ZNF106: variants seen among roughly 807,000 people sequenced by gnomAD.
The protein encoded by ZNF106 is zinc finger protein 106, also known as SH3-domain binding protein 3.
In ZNF106, 67 loss-of-function variants were observed where a neutral mutation model predicts 195.1. That is an observed-to-expected ratio of 0.34 (90% confidence interval 0.28 to 0.42). The LOEUF is 0.42. ZNF106 is among the 10% of genes least tolerant of loss of function. The probability of loss-of-function intolerance (pLI) is 1.00; values close to 1 mark genes in which losing one functional copy is unlikely to be tolerated. For synonymous variants in ZNF106, 784 were observed against 818.6 expected (o/e 0.96, Z 0.72); for missense variants, 2,118 against 2,304.5 (o/e 0.92, Z 1.66).
chr15:42,487,431 T>C (rs1023618076), intron 1 of ZNF106, among the ~76,000 whole-genome samples: 3 of 137,414 alleles, frequency 2.2e-5, no homozygotes, highest in Non-Finnish European at 4.5e-5. Context: ...TTTGAGGGTG[T>C]AGTGAGCCAT....
At chr15:42,433,481 TTTTTC>T (rs1249232000) in intron 14 of ZNF106, among the ~76,000 whole-genome samples, 1 of 129,016 alleles carries the variant, frequency 7.8e-6, no homozygotes, top group Non-Finnish European at 1.6e-5. Context: ...TGTTCTTTTT[TTTTTC>T]TTTTCTTTTT....
intron 3 of ZNF106, among the ~76,000 whole-genome samples, chr15:42,464,522 CTTTTT>C (rs928173954): frequency 3.5e-5 from 4 of 113,470 alleles, no homozygotes; most frequent in South Asian, 2.9e-4. Flanking sequence ...ACACATGCTA[CTTTTT>C]TTTTTTTTTT....
chr15:42,417,989 G>A (rs771403469), intron 20 of ZNF106, 38 bp from the exon 21 acceptor site: 6 of 1,602,008 alleles, frequency 3.7e-6, no homozygotes, highest in Non-Finnish European at 5.1e-6. Flanking sequence ...GGTGAAAAAG[G>A]GTGCAGTGAA....
intron 1 of ZNF106, among the ~76,000 whole-genome samples, chr15:42,473,180 T>G (rs1010514762): frequency 6.6e-6 from 1 of 152,160 alleles, no homozygotes; most frequent in Non-Finnish European, 1.5e-5. Flanking sequence ...ATGTTCCGAT[T>G]TGGGATGTTC....
At chr15:42,468,910 G>A (rs557205294) in intron 2 of ZNF106, among the ~76,000 whole-genome samples, 2 of 152,064 alleles carry the variant, frequency 1.3e-5, no homozygotes, top group Admixed American at 1.3e-4. Context: ...TCTTCGGTGG[G>A]GCACGGTGGC....
At chr15:42,481,258 T>C (rs143913024) in intron 1 of ZNF106, among the ~76,000 whole-genome samples, 93 of 152,150 alleles carry the variant, frequency 6.1e-4, no homozygotes, top group African/African-American at 2.1e-3. Context: ...CCCTACAGCC[T>C]GAAGAACTTC....
chr15:42,433,656 T>A (rs1161779869), intron 14 of ZNF106, among the ~76,000 whole-genome samples: 3 of 151,688 alleles, frequency 2.0e-5, no homozygotes, highest in Non-Finnish European at 1.5e-5. Context: ...CTAATTTTCA[T>A]ATTTTTAGTA....
intron 8 of ZNF106, 127 bp from the exon 9 acceptor site, chr15:42,444,389 C>G: frequency 2.9e-6 from 2 of 678,266 alleles, no homozygotes; most frequent in East Asian, 5.7e-5. Flanking sequence ...CCCAGCCAGC[C>G]GCAGGTTTTC....
At chr15:42,428,432 TA>T (rs767788618) in intron 14 of ZNF106, among the ~76,000 whole-genome samples, 1 of 152,174 alleles carries the variant, frequency 6.6e-6, no homozygotes, top group Non-Finnish European at 1.5e-5. Flanking sequence ...CCTCTTAAAT[TA>T]AGAGGCCAAA....
Position 42,444,985 on chromosome 15 carries a change from C to A in ZNF106, c.3206-4G>T, listed in dbSNP as rs778975775. 1 of 1,613,868 alleles carries A rather than the reference C, an allele frequency of 6.2e-7. No individual in the cohort carries two copies. Among genetic ancestry groups the A allele is most frequent in the East Asian group, 2.2e-5 (1 of 44,876 alleles). On this transcript the variant is annotated splice_region_variant and splice_polypyrimidine_tract_variant and intron_variant, in intron 7 of 21. Transcript: ENST00000564754. Reference sequence around the variant, plus strand: ...AGCTGGTCAACCTGAGAACGTTCTGCCAAAAGAAATCATAAGGTTCAGGTT... The same window carrying A: ...AGCTGGTCAACCTGAGAACGTTCTGACAAAAGAAATCATAAGGTTCAGGTT...
At chr15:42,426,921 T>C (rs1408297703) in intron 15 of ZNF106, among the ~76,000 whole-genome samples, 1 of 152,226 alleles carries the variant, frequency 6.6e-6, no homozygotes. Flanking sequence ...CACTTGGCAC[T>C]TGATTATATA....
rs1462457006 is a variant in ZNF106, at chr15:42,413,438, T to C, written c.*3866A>G. 6.6e-6 allele frequency: 1 copy of C among 152,476 alleles called. No homozygotes were observed. The highest frequency in any genetic ancestry group is 1.5e-5 in the Non-Finnish European group (1 of 68,026). 9.4% of individuals were successfully genotyped at this position (152,476 alleles called of 1,614,324 possible). On this transcript the variant is annotated 3_prime_UTR_variant, in exon 22 of 22. Coordinates refer to ENST00000564754, the MANE Select transcript of ZNF106 (RefSeq NM_001366845.3). ...TCCCGTTTAGGTAACAGAAACAAAA[T>C]TTAGATGTAAGCATAAACTGCAGTT...
chr15:42,465,901 T>A (rs796880921), intron 3 of ZNF106, among the ~76,000 whole-genome samples, 152 bp downstream of exon 3: 2 of 152,330 alleles, frequency 1.3e-5, no homozygotes, highest in African/African-American at 4.8e-5. Flanking sequence ...ATGCCAAAAA[T>A]CTACTACACT....
chr15:42,430,514 G>C (rs184799564), intron 14 of ZNF106, among the ~76,000 whole-genome samples: 9 of 152,106 alleles, frequency 5.9e-5, no homozygotes, highest in Non-Finnish European at 1.2e-4. Flanking sequence ...CGAGTAGCTG[G>C]AACTACAGGC....
chr15:42,465,077 A>G (rs897136963), intron 3 of ZNF106, among the ~76,000 whole-genome samples: 1 of 152,334 alleles, frequency 6.6e-6, no homozygotes, highest in Admixed American at 6.5e-5. Flanking sequence ...GCGTGAGAAT[A>G]GACTAATACA....
Position 42,417,789 on chromosome 15 carries a change from A to T in ZNF106, c.5664+16T>A. The T allele has an allele frequency of 6.2e-7, 1 of 1,607,598 alleles. No individual in the cohort carries two copies. The highest frequency in any genetic ancestry group is 8.5e-7 in the Non-Finnish European group (1 of 1,177,236). On this transcript the variant is annotated intron_variant, in intron 21 of 21. Coordinates refer to ENST00000564754, the MANE Select transcript of ZNF106 (RefSeq NM_001366845.3). ...TCTACTGAATCCCAGGCAAACCTCA[A>T]GTCCCACTAATGTACCTGTTTGGAT...
At chr15:42,431,338 A>G (rs1041757852) in intron 14 of ZNF106, among the ~76,000 whole-genome samples, 1 of 151,076 alleles carries the variant, frequency 6.6e-6, no homozygotes, top group Non-Finnish European at 1.5e-5. Flanking sequence ...TTTGAGTGGA[A>G]TGTCCTATAA....
Position 42,450,350 on chromosome 15 carries a change from C to T in ZNF106, c.1922G>A (p.Ser641Asn), listed in dbSNP as rs200804142. The T allele has an allele frequency of 5.0e-6, 8 of 1,614,170 alleles. No individual in the cohort carries two copies. Among genetic ancestry groups the T allele is most frequent in the Non-Finnish European group, 6.8e-6 (8 of 1,180,028 alleles). The stretch of plus-strand genomic sequence containing the variant: ...CTCTTTCTCATCAGCAGTTCGAGTG[C>T]TGCCAGATAACAATTCTGTAGTTGC... ...GSATTELLSG[S>N]TRTADEKEED... Residue 641 changes from serine to asparagine, a missense_variant, in exon 5 of 22, where the codon AGC becomes AAC. By Grantham distance (46) the Ser-to-Asn change is conservative (BLOSUM62 1). Transcript: ENST00000564754.
rs530865308 is a variant in ZNF106, at chr15:42,433,571, C to T, written c.4881+1813G>A. On this transcript the variant is annotated intron_variant, in intron 14 of 21. Coordinates refer to ENST00000564754, the MANE Select transcript of ZNF106 (RefSeq NM_001366845.3). ...GATCTTGGCTCACTGAAATCTCTGC[C>T]TCCTGGGTTCAAGTGATTCTCCAGC... 2.7e-4 allele frequency among the ~76,000 whole-genome samples: 41 copies of T among 150,742 alleles called. No individual in the cohort carries two copies. In the South Asian group the frequency reaches 7.8e-3, roughly 29 times the overall value.
Sources: gnomAD v4.1 joint callset for allele counts (sites outside exome capture counted in the v4.1 genomes callset) on GRCh38, gnomAD v4.1.1 for gene constraint, MANE v1.5 for transcripts, NCBI Gene and HGNC (gene_info 2026-07-23, HGNC 2026-07-21) for gene names.